Variants in IGSF5 observed in about 807,000 individuals in gnomAD.
The protein encoded by IGSF5 is immunoglobulin superfamily member 5.
Under a neutral mutation model 39.4 loss-of-function variants are expected in IGSF5, and 41 were observed. That is an observed-to-expected ratio of 1.04 (90% CI 0.81 to 1.35). The LOEUF (loss-of-function observed/expected upper bound fraction) is 1.35. Ranked by LOEUF, IGSF5 falls within the 40% of genes most tolerant of loss-of-function variation. IGSF5 has a pLI of 0.00. For missense variants in IGSF5, 487 were observed against 494.6 expected (o/e 0.98, Z 0.15); for synonymous variants, 183 against 175.3 (o/e 1.04, Z -0.34).
At chr21:39,755,104 C>G (rs2146273535) in intron 2 of IGSF5, among the ~76,000 whole-genome samples, 1 of 152,278 alleles carries the variant, frequency 6.6e-6, no homozygotes, top group East Asian at 1.9e-4. Flanking sequence ...GACTAGAAGT[C>G]TTTCCTAACA....
intron 2 of IGSF5, among the ~76,000 whole-genome samples, chr21:39,748,319 T>TTTTG (rs2079986156): frequency 7.8e-6 from 1 of 127,466 alleles, no homozygotes; most frequent in Non-Finnish European, 1.7e-5. Flanking sequence ...TTTTTTTTTT[T>TTTTG]TTTTTTTTTG....
At chr21:39,735,923 C>T in the IGSF5 span, among the ~76,000 whole-genome samples, 4 of 152,162 alleles carry the variant, frequency 2.6e-5, no homozygotes, top group East Asian at 1.9e-4. Context: ...CCACAATCTT[C>T]GCCCATTTCA....
intron 8 of IGSF5, among the ~76,000 whole-genome samples, chr21:39,797,675 C>A (rs545412164): frequency 6.6e-6 from 1 of 152,224 alleles, no homozygotes; most frequent in South Asian, 2.1e-4. Flanking sequence ...TGCTGCCATG[C>A]CTAGCTAATT....
the IGSF5 span, among the ~76,000 whole-genome samples, chr21:39,718,714 G>A: frequency 6.6e-6 from 1 of 152,146 alleles, no homozygotes; most frequent in Non-Finnish European, 1.5e-5. Flanking sequence ...TGTTTGTGGT[G>A]GATTAACTTT....
intron 2 of IGSF5, among the ~76,000 whole-genome samples, chr21:39,748,385 A>G (rs1383302213): frequency 7.8e-6 from 1 of 128,864 alleles, no homozygotes; most frequent in Non-Finnish European, 1.6e-5. Flanking sequence ...ATCTCGGCTC[A>G]CTGCAACCTC....
chr21:39,717,575 C>T, the IGSF5 span, among the ~76,000 whole-genome samples: 1 of 152,328 alleles, frequency 6.6e-6, no homozygotes, highest in Admixed American at 6.5e-5. Context: ...CCAGTTGTCC[C>T]AGCACCACTT....
the IGSF5 span, among the ~76,000 whole-genome samples, chr21:39,717,631 G>T: frequency 6.6e-6 from 1 of 152,168 alleles, no homozygotes; most frequent in Non-Finnish European, 1.5e-5. Flanking sequence ...TGTCAACTTT[G>T]TCAAAGATCA....
At chr21:39,752,590 C>G (rs964981977) in intron 2 of IGSF5, among the ~76,000 whole-genome samples, 8 of 152,176 alleles carry the variant, frequency 5.3e-5, no homozygotes, top group African/African-American at 1.9e-4. Flanking sequence ...GAACCTCCTA[C>G]TGTTTTTCAT....
Position 39,786,888 on chromosome 21 carries a change from C to T in IGSF5, c.935-1279C>T, listed in dbSNP as rs74169472. Among the ~76,000 whole-genome samples the T allele has an allele frequency of 4.6e-5, 7 of 151,410 alleles. No individual in the cohort carries two copies. The South Asian group carries it at 6.2e-4, about 14-fold the overall frequency. ...AAACCAAACACTGTGTATTCTCACTCATAGGTGGGAACTGAACAATGAGAA... is the reference window on the plus strand; with the variant it reads ...AAACCAAACACTGTGTATTCTCACTTATAGGTGGGAACTGAACAATGAGAA... On this transcript the variant is annotated intron_variant, in intron 5 of 8. Transcript: ENST00000380588.
At chr21:39,738,802 T>C in the IGSF5 span, among the ~76,000 whole-genome samples, 1 of 152,030 alleles carries the variant, frequency 6.6e-6, no homozygotes, top group African/African-American at 2.4e-5. This position sits in a 1 kb window ranked among gnomAD's most constrained non-coding sequence, Gnocchi z 6.4. Context: ...ATAGAGGTCG[T>C]TCTTATCTCC....
upstream of IGSF5, among the ~76,000 whole-genome samples, chr21:39,743,650 G>C (rs960985074): frequency 5.9e-5 from 9 of 152,090 alleles, no homozygotes; most frequent in Non-Finnish European, 1.2e-4. Flanking sequence ...TTGGGGTAGG[G>C]AGGTAGATTC....
the IGSF5 span, among the ~76,000 whole-genome samples, chr21:39,723,683 A>G: frequency 1.3e-5 from 2 of 152,216 alleles, no homozygotes; most frequent in Non-Finnish European, 2.9e-5. Context: ...GGTAGAATGT[A>G]TTCCCTAAAG....
Position 39,801,420 on chromosome 21 carries a change from CT to C in IGSF5, c.*65del. On this transcript the variant is annotated 3_prime_UTR_variant, in exon 9 of 9. Transcript: ENST00000380588. ...CAATTCAAAACACGGCGATGGCATCCTTCCTTTCCATCCTAAGACTGGCCTG... is the reference window on the plus strand; with the variant it reads ...CAATTCAAAACACGGCGATGGCATCCTCCTTTCCATCCTAAGACTGGCCTG... The C allele has an allele frequency of 8.3e-7, 1 of 1,211,494 alleles. No homozygotes were observed. The highest frequency in any genetic ancestry group is 1.2e-6 in the Non-Finnish European group (1 of 822,748). The allele number at this position is 1,211,494 out of a possible 1,614,324, so 75.0% of individuals were successfully genotyped here.
chr21:39,723,318 C>G, the IGSF5 span, among the ~76,000 whole-genome samples: 1 of 152,298 alleles, frequency 6.6e-6, no homozygotes, highest in East Asian at 1.9e-4. Context: ...GTCTTGATTG[C>G]TTGCCATGTG....
At chr21:39,749,278 T>C (rs902410045) in intron 2 of IGSF5, among the ~76,000 whole-genome samples, 1 of 151,208 alleles carries the variant, frequency 6.6e-6, no homozygotes, top group Non-Finnish European at 1.5e-5. Context: ...AGTGGCACGA[T>C]CTCCACTCAC....
chr21:39,751,002 G>C (rs1260191679), intron 2 of IGSF5, among the ~76,000 whole-genome samples: 1 of 152,204 alleles, frequency 6.6e-6, no homozygotes, highest in African/African-American at 2.4e-5. Context: ...TGGCCCTGAG[G>C]CCTCTGCGTT....
intron 5 of IGSF5, among the ~76,000 whole-genome samples, chr21:39,780,425 T>G (rs920981278): frequency 1.3e-5 from 2 of 152,182 alleles, no homozygotes; most frequent in African/African-American, 4.8e-5. Flanking sequence ...GATTATTGGA[T>G]TTTTGTGCTT....
At chr21:39,737,948 C>T in the IGSF5 span, among the ~76,000 whole-genome samples, 1 of 152,034 alleles carries the variant, frequency 6.6e-6, no homozygotes, top group African/African-American at 2.4e-5. Context: ...GGGAGTAGGT[C>T]AGAGAGAGAG....
chr21:39,718,148 TG>T, the IGSF5 span, among the ~76,000 whole-genome samples: 7 of 152,212 alleles, frequency 4.6e-5, no homozygotes, highest in Non-Finnish European at 2.9e-5. Flanking sequence ...GCTCTCAGTT[TG>T]GTTGTTCCTG....
Sources: gnomAD v4.1 joint callset for allele counts (sites outside exome capture counted in the v4.1 genomes callset) on GRCh38, gnomAD v4.1.1 for gene constraint, Gnocchi (gnomAD v3.1) non-coding constraint, MANE v1.5 for transcripts, NCBI Gene and HGNC (gene_info 2026-07-23, HGNC 2026-07-21) for gene names.